CPD: variants seen among roughly 807,000 people sequenced by gnomAD.
CPD encodes the protein metallocarboxypeptidase D.
Under a neutral mutation model 138.3 loss-of-function variants are expected in CPD, and 69 were observed. That is an observed-to-expected ratio of 0.50 (90% CI 0.41 to 0.61). The LOEUF is 0.61. Ranked by LOEUF, CPD falls within the 20% of genes least tolerant of loss-of-function variation. The pLI, the probability that CPD is intolerant of heterozygous loss-of-function variation, is 0.00. For missense variants in CPD, 1,432 were observed against 1,733.3 expected (o/e 0.83, Z 3.09); for synonymous variants, 651 against 642.1 (o/e 1.01, Z -0.21).
Position 30,427,381 on chromosome 17 carries a change from TATC to T in CPD, c.1850-7_1850-5del, listed in dbSNP as rs1465000514. ...TGGCTTATATTCAAATCCTTTATCATATCATACAGGAGATTCAATAAGTGTAAT... is the reference window on the plus strand; with the variant it reads ...TGGCTTATATTCAAATCCTTTATCATATACAGGAGATTCAATAAGTGTAAT... On this transcript the variant is annotated splice_region_variant and splice_polypyrimidine_tract_variant and intron_variant, in intron 6 of 20. Coordinates refer to ENST00000225719, the MANE Select transcript of CPD (RefSeq NM_001304.5). 6.2e-7 allele frequency: 1 copy of T among 1,613,016 alleles called. No homozygotes were observed. Among genetic ancestry groups the T allele is most frequent in the South Asian group, 1.1e-5 (1 of 91,050 alleles).
At chr17:30,401,392 C>T (rs1363115223) in intron 2 of CPD, among the ~76,000 whole-genome samples, 1 of 151,334 alleles carries the variant, frequency 6.6e-6, no homozygotes, top group Non-Finnish European at 1.5e-5. Context: ...TCCTCTTCCT[C>T]TTCTTCCTCC....
At chr17:30,399,048 CA>C (rs1239826353) in intron 2 of CPD, among the ~76,000 whole-genome samples, 2 of 151,862 alleles carry the variant, frequency 1.3e-5, no homozygotes, top group African/African-American at 4.8e-5. Context: ...CTTCTGAAAA[CA>C]GTTCATTATT....
intron 2 of CPD, among the ~76,000 whole-genome samples, chr17:30,401,087 A>G (rs1047838415): frequency 6.6e-6 from 1 of 151,958 alleles, no homozygotes; most frequent in East Asian, 1.9e-4. Flanking sequence ...ATTTTGTGCC[A>G]TTGCCTTCTG....
rs1368917639 is a variant in CPD at position 30,423,544 on chromosome 17, A to G, written c.1696A>G (p.Asn566Asp). The change falls in exon 6 of 21, where the codon AAT (asparagine) becomes GAT (aspartate). Residue 566 changes from asparagine to aspartate, a missense_variant. Asn to Asp is a conservative substitution (Grantham distance 23). This residue lies in a region of CPD where 297 missense variants were observed against 405.3 expected (regional missense o/e 0.73). Coordinates refer to ENST00000225719, the MANE Select transcript of CPD (RefSeq NM_001304.5). ...EFKYIGNMHG[N>D]EVVGRELLLN... ...TAAGTACATTGGAAATATGCATGGA[A>G]ATGAAGTGGTTGGAAGAGAACTGCT... The G allele has an allele frequency of 6.2e-7, 1 of 1,602,080 alleles. No individual in the cohort carries two copies. Among genetic ancestry groups the G allele is most frequent in the African/African-American group, 1.3e-5 (1 of 74,346 alleles).
intron 2 of CPD, among the ~76,000 whole-genome samples, chr17:30,390,627 C>G (rs561794382): frequency 1.3e-5 from 2 of 152,110 alleles, no homozygotes; most frequent in African/African-American, 4.8e-5. Context: ...TGATTTGGGC[C>G]CTAGTGCCTT....
intron 2 of CPD, among the ~76,000 whole-genome samples, chr17:30,390,862 T>C (rs1160618768): frequency 1.3e-5 from 2 of 151,542 alleles, no homozygotes; most frequent in Non-Finnish European, 2.9e-5. Flanking sequence ...GGAGTTTCGC[T>C]CTTGTTGCCC....
chr17:30,417,364 C>T (rs1912138606), intron 2 of CPD, among the ~76,000 whole-genome samples: 1 of 152,068 alleles, frequency 6.6e-6, no homozygotes, highest in Non-Finnish European at 1.5e-5. Context: ...AACTGAACTT[C>T]CTAGTCTTAA....
At chr17:30,383,026 A>C (rs1911091553) in intron 1 of CPD, among the ~76,000 whole-genome samples, 1 of 152,184 alleles carries the variant, frequency 6.6e-6, no homozygotes, top group Non-Finnish European at 1.5e-5. Context: ...AATACTTAAA[A>C]ATTGTTTTAG....
intron 2 of CPD, among the ~76,000 whole-genome samples, chr17:30,410,390 G>A (rs1355152631): frequency 6.6e-6 from 1 of 152,184 alleles, no homozygotes; most frequent in Non-Finnish European, 1.5e-5. Flanking sequence ...GTGCAGAGCT[G>A]AGTTCAATTC....
chr17:30,463,075 T>A (rs1463065169), intron 20 of CPD, among the ~76,000 whole-genome samples: 1 of 152,196 alleles, frequency 6.6e-6, no homozygotes, highest in Non-Finnish European at 1.5e-5. Flanking sequence ...ATGGCCATCA[T>A]GAACATGTCA....
At chr17:30,427,599 A>G in intron 7 of CPD, 41 bp downstream of exon 7, 1 of 1,561,858 alleles carries the variant, frequency 6.4e-7, no homozygotes, top group Non-Finnish European at 8.8e-7. Context: ...TCTTGTTGAG[A>G]GCATTTGGAA....
chr17:30,442,486 G>A lies in CPD; in HGVS notation c.2373+36G>A, dbSNP rs373735707. 36 of 1,598,062 alleles carry A rather than the reference G, an allele frequency of 2.3e-5. No homozygotes were observed. In the African/African-American group the frequency reaches 3.1e-4, roughly 14 times the overall value. On this transcript the variant is annotated intron_variant, in intron 10 of 20. Coordinates refer to ENST00000225719, the MANE Select transcript of CPD (RefSeq NM_001304.5). ...AGGAGTGAAGTATGAAATTTCTCCC[G>A]AGGGTGAAAAGATTTTTGTGCGTAC...
chr17:30,420,605 G>C (rs1473907534), intron 2 of CPD, among the ~76,000 whole-genome samples: 1 of 152,030 alleles, frequency 6.6e-6, no homozygotes, highest in East Asian at 1.9e-4. Context: ...TTTTATAACT[G>C]CTCATCCTAT....
chr17:30,379,718 C>A lies in CPD; in HGVS notation c.738C>A (p.Arg246=). The part of the protein sequence containing the change: ...PEVRALIEWI[R]RNKFVLSGNL... ...TGCGCGCCCTCATCGAGTGGATCCGCAGGAACAAGTGAGTGTTGCCTGCCC... is the reference window on the plus strand; with the variant it reads ...TGCGCGCCCTCATCGAGTGGATCCGAAGGAACAAGTGAGTGTTGCCTGCCC... Residue 246 remains arginine (R), a synonymous_variant, in exon 1 of 21, where the codon CGC becomes CGA. Coordinates refer to ENST00000225719, the MANE Select transcript of CPD (RefSeq NM_001304.5). This position sits in a 1 kb window ranked among gnomAD's most constrained non-coding sequence, Gnocchi z 7.0. 1 of 1,492,638 alleles carries A rather than the reference C, an allele frequency of 6.7e-7. No individual in the cohort carries two copies. Among genetic ancestry groups the A allele is most frequent in the Non-Finnish European group, 8.8e-7 (1 of 1,139,574 alleles). 92.5% of individuals were successfully genotyped at this position (1,492,638 alleles called of 1,614,324 possible).
At chr17:30,462,534 G>T in intron 20 of CPD, 65 bp downstream of exon 20, 1 of 1,088,628 alleles carries the variant, frequency 9.2e-7, no homozygotes, top group Non-Finnish European at 1.4e-6. Context: ...ATATGAGAGT[G>T]GGTCACCTCT....
chr17:30,390,536 A>G (rs1471228026), intron 2 of CPD, among the ~76,000 whole-genome samples: 2 of 152,232 alleles, frequency 1.3e-5, no homozygotes, highest in Admixed American at 6.5e-5. Context: ...TAGGTGATGT[A>G]CCGGTATACA....
In CPD at chr17:30,466,527, T is replaced by C. The variant is rs1457250583; in HGVS notation, c.*1713T>C. The C allele has an allele frequency of 6.6e-6, 1 of 152,614 alleles. No homozygotes were observed. Among genetic ancestry groups the C allele is most frequent in the South Asian group, 2.1e-4 (1 of 4,830 alleles). The allele number at this position is 152,614 out of a possible 1,614,324, so 9.5% of individuals were successfully genotyped here. A position where few individuals can be genotyped will look rare whatever the true frequency, so the allele number is the denominator to read the frequency against. ...AGCAACTGTAAATTCTGCCACCTCA[T>C]ACATGGAACAGAGCTTGTGGGATGC... On this transcript the variant is annotated 3_prime_UTR_variant, in exon 21 of 21. Coordinates refer to ENST00000225719, the MANE Select transcript of CPD (RefSeq NM_001304.5).
At chr17:30,395,985 G>A (rs1052989329) in intron 2 of CPD, among the ~76,000 whole-genome samples, 5 of 152,056 alleles carry the variant, frequency 3.3e-5, no homozygotes, top group African/African-American at 1.2e-4. Context: ...GGAATTTGGG[G>A]AATTTTTTTA....
chr17:30,385,101 G>A lies in CPD; in HGVS notation c.859G>A (p.Val287Ile), dbSNP rs557108475. The A allele has an allele frequency of 1.2e-6, 2 of 1,614,010 alleles. No individual in the cohort carries two copies. Among genetic ancestry groups the A allele is most frequent in the South Asian group, 1.1e-5 (1 of 91,082 alleles). Residue 287 changes from valine (V) to isoleucine (I), a missense_variant, in exon 2 of 21, where the codon GTA becomes ATA. Coordinates refer to ENST00000225719, the MANE Select transcript of CPD (RefSeq NM_001304.5). ...CTATAGCAAAACCTCAGATGATGAA[G>A]TATTTAAATACTTGGCAAAAGCTTA... ...GIYSKTSDDE[V>I]FKYLAKAYAS...
Sources: allele counts gnomAD v4.1 joint callset (sites outside exome capture counted in the v4.1 genomes callset), GRCh38; gene constraint gnomAD v4.1.1; regional missense constraint gnomAD v4.1.1; non-coding constraint Gnocchi (gnomAD v3.1); transcripts MANE v1.5; gene names NCBI Gene and HGNC (gene_info 2026-07-23, HGNC 2026-07-21).